The following SCAF8 variants were observed in gnomAD, a reference collection of about 807,000 sequenced individuals.
SCAF8 encodes the protein SR-related and CTD-associated factor 8.
A neutral mutation model predicts 140.5 loss-of-function variants in SCAF8; 23 were observed. That is an observed-to-expected ratio of 0.16 (90% confidence interval 0.12 to 0.23). The LOEUF is 0.23. SCAF8 is among the 10% of genes least tolerant of loss of function. SCAF8 has a pLI of 1.00. For synonymous variants in SCAF8, 575 were observed against 528.9 expected (o/e 1.09, Z -1.20); for missense variants, 1,397 against 1,555.7 (o/e 0.90, Z 1.72).
At position 154,833,646 on chromosome 6, in the gene SCAF8, A is replaced by G. The variant is rs1392498619; in HGVS notation, c.*251A>G. ...ACAAATGTTGGCCCCAGATTCTTTT[A>G]ACGTCAAGGAAATGAATAACAGCTT... On this transcript the variant is annotated 3_prime_UTR_variant, in exon 20 of 20. Coordinates refer to ENST00000367178, the MANE Select transcript of SCAF8 (RefSeq NM_014892.5). 1 of 336,688 alleles carries G rather than the reference A, an allele frequency of 3.0e-6. No individual in the cohort carries two copies. Among genetic ancestry groups the G allele is most frequent in the African/African-American group, 2.1e-5 (1 of 46,598 alleles). The allele number at this position is 336,688 out of a possible 1,614,324, so 20.9% of individuals were successfully genotyped here.
intron 12 of SCAF8, among the ~76,000 whole-genome samples, chr6:154,815,409 T>A (rs1017256276): frequency 3.3e-5 from 5 of 152,244 alleles, no homozygotes; most frequent in Admixed American, 2.0e-4. Flanking sequence ...TCTCAGTTCC[T>A]GTCTTTGACA....
chr6:154,763,055 G>A (rs1468209442), intron 1 of SCAF8, among the ~76,000 whole-genome samples: 1 of 152,078 alleles, frequency 6.6e-6, no homozygotes, highest in East Asian at 1.9e-4. Flanking sequence ...ATTTTCTTGT[G>A]TGTATTATAA....
chr6:154,822,019 C>A, intron 15 of SCAF8: 1 of 310,058 alleles, frequency 3.2e-6, no homozygotes, highest in Non-Finnish European at 5.9e-6. Flanking sequence ...TCTATTGTAT[C>A]TCTTCTAAGT....
rs1321535871 is a variant in SCAF8, at chr6:154,733,889, C to T, written c.-12C>T. The T allele has an allele frequency of 9.1e-6, 14 of 1,544,518 alleles. No individual in the cohort carries two copies. Among genetic ancestry groups the T allele is most frequent in the Admixed American group, 4.3e-5 (2 of 46,440 alleles). The stretch of plus-strand genomic sequence containing the variant: ...CTTCCGCCGCCGGGCTCGGGGCCTC[C>T]GCAGCGACAACATGGAGGCCGTGAA... On this transcript the variant is annotated 5_prime_UTR_variant, in exon 1 of 20. Coordinates refer to ENST00000367178, the MANE Select transcript of SCAF8 (RefSeq NM_014892.5).
intron 1 of SCAF8, among the ~76,000 whole-genome samples, chr6:154,743,131 C>T (rs1225138949): frequency 6.6e-6 from 1 of 152,126 alleles, no homozygotes; most frequent in Non-Finnish European, 1.5e-5. Flanking sequence ...TGCTTCTTTG[C>T]TAGGGACTAT....
At chr6:154,737,003 G>T (rs1285349018) in intron 1 of SCAF8, among the ~76,000 whole-genome samples, 1 of 152,004 alleles carries the variant, frequency 6.6e-6, no homozygotes, top group Non-Finnish European at 1.5e-5. Flanking sequence ...ACATAATACT[G>T]TTTTTTATTT....
chr6:154,759,319 A>C (rs981539086), intron 1 of SCAF8, among the ~76,000 whole-genome samples: 1 of 152,184 alleles, frequency 6.6e-6, no homozygotes, highest in Admixed American at 6.5e-5. Flanking sequence ...GTGTTGAATT[A>C]AAGGACTTAT....
Position 154,778,061 on chromosome 6 carries a change from T to G in SCAF8, c.159+16T>G, listed in dbSNP as rs2114852429. The G allele has an allele frequency of 7.1e-7, 1 of 1,416,176 alleles. No individual in the cohort carries two copies. Among genetic ancestry groups the G allele is most frequent in the East Asian group, 2.3e-5 (1 of 43,504 alleles). The allele number at this position is 1,416,176 out of a possible 1,614,324, so 87.7% of individuals were successfully genotyped here. The stretch of plus-strand genomic sequence containing the variant: ...TATTCAGAAAGTAAGTATATAATTT[T>G]CCATACATGTGCTGTAATTGTAGAT... On this transcript the variant is annotated intron_variant, in intron 3 of 19. Transcript: ENST00000367178.
chr6:154,831,855 G>A, intron 19 of SCAF8, 84 bp from the exon 20 acceptor site: 1 of 1,115,150 alleles, frequency 9.0e-7, no homozygotes, highest in Non-Finnish European at 1.3e-6. Context: ...TGATTATTGG[G>A]GGATACAAGT....
Position 154,805,442 on chromosome 6 carries a change from G to C in SCAF8, c.937G>C (p.Glu313Gln). The C allele has an allele frequency of 1.2e-6, 2 of 1,611,724 alleles. No homozygotes were observed. The highest frequency in any genetic ancestry group is 4.5e-5 in the East Asian group (2 of 44,788). ...AGAACAACTACAACAGCAAAACCTA[G>C]AACATCTCAGACAGCAGCTCTTGGA... ...IAEQLQQQNL[E>Q]HLRQQLLEQQ... The change falls in exon 9 of 20, where the codon GAA becomes CAA. Residue 313 changes from glutamate to glutamine, a missense_variant. Physicochemically the swap from Glu to Gln is conservative, Grantham distance 29 (BLOSUM62 2). Around this residue, in one of 5 missense-constraint regions of SCAF8, gnomAD observed 339 missense variants for 407.5 expected, o/e 0.83. Transcript: ENST00000367178.
rs1392431133 is a variant in SCAF8, at chr6:154,799,350, C to T, written c.607-2621C>T. On this transcript the variant is annotated intron_variant, in intron 6 of 19. Coordinates refer to ENST00000367178, the MANE Select transcript of SCAF8 (RefSeq NM_014892.5). ...CTGGTCTCAGACTCCTGGCCTCAAG[C>T]AGTCCTTTCACCTGCGCCTCCCAAG... Among the ~76,000 whole-genome samples the T allele has an allele frequency of 2.0e-5, 3 of 151,098 alleles. 1 individual carries two copies. Among genetic ancestry groups the T allele is most frequent in the Non-Finnish European group, 3.0e-5 (2 of 67,624 alleles).
intron 15 of SCAF8, among the ~76,000 whole-genome samples, chr6:154,820,733 G>C (rs1391555860): frequency 3.3e-5 from 5 of 152,232 alleles, no homozygotes; most frequent in East Asian, 3.9e-4. Flanking sequence ...CAATAGAATC[G>C]TAGTTTAGGG....
In SCAF8 at chr6:154,784,144, TATA is replaced by T. The variant is rs1777176443; in HGVS notation, c.160-3716_160-3714del. Among the ~76,000 whole-genome samples, 3 of 92,516 alleles carry T rather than the reference TATA, an allele frequency of 3.2e-5. 1 individual carries two copies. The highest frequency in any genetic ancestry group is 9.1e-4 in the South Asian group (2 of 2,204). 60.7% of individuals were successfully genotyped at this position (92,516 alleles called of 152,430 possible). A position where few individuals can be genotyped will look rare whatever the true frequency, so the allele number is the denominator to read the frequency against. On this transcript the variant is annotated intron_variant, in intron 3 of 19. Coordinates refer to ENST00000367178, the MANE Select transcript of SCAF8 (RefSeq NM_014892.5). ...AGATATATATATATATATATATATA[TATA>T]TATATATATATTTATTTATTTATTT...
chr6:154,733,680 CT>C lies in SCAF8; in HGVS notation c.-220del, dbSNP rs1203636236. On this transcript the variant is annotated 5_prime_UTR_variant, in exon 1 of 20. Transcript: ENST00000367178. Reference sequence around the variant, plus strand: ...AGCGCCTCTGTTCCCTAGAACGGCGCTCCCCCCGCCCTAGCGGCCATGCCGG... The same window carrying C: ...AGCGCCTCTGTTCCCTAGAACGGCGCCCCCCCGCCCTAGCGGCCATGCCGG... The C allele has an allele frequency of 1.5e-6, 2 of 1,306,708 alleles. No individual in the cohort carries two copies. Among genetic ancestry groups the C allele is most frequent in the African/African-American group, 3.1e-5 (2 of 64,472 alleles). The allele number at this position is 1,306,708 out of a possible 1,614,324, so 80.9% of individuals were successfully genotyped here.
chr6:154,778,170 T>C, intron 3 of SCAF8, 125 bp downstream of exon 3: 1 of 573,422 alleles, frequency 1.7e-6, no homozygotes, highest in Non-Finnish European at 3.0e-6. Context: ...TCCAGTTATT[T>C]TATTTTCCAA....
chr6:154,761,197 C>T (rs1309551034), intron 1 of SCAF8, among the ~76,000 whole-genome samples: 2 of 152,054 alleles, frequency 1.3e-5, no homozygotes, highest in Non-Finnish European at 2.9e-5. Context: ...TTTGCAGTTA[C>T]ATGTGGTATG....
chr6:154,761,759 T>G (rs1002406938), intron 1 of SCAF8, among the ~76,000 whole-genome samples: 1 of 152,066 alleles, frequency 6.6e-6, no homozygotes, highest in African/African-American at 2.4e-5. Flanking sequence ...TTTGAAAACC[T>G]TAGGAAGATA....
intron 17 of SCAF8, among the ~76,000 whole-genome samples, chr6:154,826,716 A>T (rs887669080): frequency 3.3e-5 from 5 of 152,222 alleles, no homozygotes; most frequent in Admixed American, 2.6e-4. Flanking sequence ...GGTATCTAAA[A>T]TTAATAATTT....
At chr6:154,771,305 G>C (rs1340212617) in intron 1 of SCAF8, among the ~76,000 whole-genome samples, 5 of 152,186 alleles carry the variant, frequency 3.3e-5, no homozygotes, top group African/African-American at 1.2e-4. Context: ...CTTTAAGATG[G>C]ATGGGTATGC....
Sources: allele counts gnomAD v4.1 joint callset (sites outside exome capture counted in the v4.1 genomes callset), GRCh38; gene constraint gnomAD v4.1.1; regional missense constraint gnomAD v4.1.1; transcripts MANE v1.5; gene names NCBI Gene and HGNC (gene_info 2026-07-23, HGNC 2026-07-21).